Variants in MMP26 observed in about 807,000 individuals in gnomAD.
MMP26 encodes matrix metallopeptidase 26, also known as matrix metalloproteinase-26.
In MMP26, 33 loss-of-function variants were observed where a neutral mutation model predicts 31.0. That is an observed-to-expected ratio of 1.06 (90% CI 0.81 to 1.42). MMP26 has a LOEUF of 1.42. Among genes scored for constraint, MMP26 ranks in the 40% most tolerant of loss-of-function variants. The pLI is 0.00. For synonymous variants in MMP26, 122 were observed against 114.9 expected (o/e 1.06, Z -0.40); for missense variants, 347 against 316.1 (o/e 1.10, Z -0.74).
intron 2 of MMP26, among the ~76,000 whole-genome samples, chr11:4,968,920 AC>A (rs1002211655): frequency 5.3e-4 from 80 of 152,136 alleles, no homozygotes; most frequent in Non-Finnish European, 3.2e-4. Context: ...GAATACAATT[AC>A]CTTTTTCTTT....
intron 2 of MMP26, among the ~76,000 whole-genome samples, chr11:4,866,720 A>G (rs1166286647): frequency 6.6e-6 from 1 of 152,132 alleles, no homozygotes; most frequent in Non-Finnish European, 1.5e-5. Flanking sequence ...AGCATGGTAC[A>G]GGTACAAGAA....
chr11:4,742,958 C>G (rs1034957005), intron 1 of MMP26, among the ~76,000 whole-genome samples: 1 of 152,148 alleles, frequency 6.6e-6, no homozygotes, highest in Non-Finnish European at 1.5e-5. Context: ...AATTTGCACT[C>G]TTTCATCTAT....
intron 2 of MMP26, among the ~76,000 whole-genome samples, chr11:4,779,234 A>T (rs1392655950): frequency 1.3e-5 from 2 of 152,050 alleles, no homozygotes; most frequent in African/African-American, 2.4e-5. Context: ...TGATTTTTGA[A>T]GAGAAATTTT....
At chr11:4,815,749 A>G (rs1564916348) in intron 2 of MMP26, among the ~76,000 whole-genome samples, 2 of 152,208 alleles carry the variant, frequency 1.3e-5, no homozygotes, top group Admixed American at 6.5e-5. Context: ...TATGTAAAAT[A>G]ATCCCAGGAA....
intron 2 of MMP26, among the ~76,000 whole-genome samples, chr11:4,845,211 G>T (rs1055974247): frequency 6.6e-6 from 1 of 151,914 alleles, no homozygotes; most frequent in Non-Finnish European, 1.5e-5. Context: ...ATAAATAAAA[G>T]ATATCTACAA....
At chr11:4,984,394 G>T (rs929907828) in intron 2 of MMP26, among the ~76,000 whole-genome samples, 18 of 152,178 alleles carry the variant, frequency 1.2e-4, no homozygotes, top group Non-Finnish European at 2.2e-4. Flanking sequence ...TTGGCACAGC[G>T]TATGCGCTCA....
At chr11:4,710,111 C>T (rs986151333) in intron 1 of MMP26, 1 of 456,806 alleles carries the variant, frequency 2.2e-6, no homozygotes, top group Non-Finnish European at 4.4e-6. Flanking sequence ...ATTCCTACTG[C>T]TTCCACCCTG....
At chr11:4,753,191 C>A (rs1470341580) in intron 1 of MMP26, among the ~76,000 whole-genome samples, 2 of 152,008 alleles carry the variant, frequency 1.3e-5, no homozygotes, top group Non-Finnish European at 2.9e-5. Context: ...CCTCTTAATG[C>A]CACATCCTCA....
At chr11:4,833,505 A>T (rs1849673696) in intron 2 of MMP26, among the ~76,000 whole-genome samples, 1 of 152,178 alleles carries the variant, frequency 6.6e-6, no homozygotes, top group Non-Finnish European at 1.5e-5. Context: ...CTCTTTATAA[A>T]GTGTCTGAGT....
intron 1 of MMP26, among the ~76,000 whole-genome samples, chr11:4,716,160 G>A (rs1383180324): frequency 6.6e-6 from 1 of 152,188 alleles, no homozygotes; most frequent in East Asian, 1.9e-4. Context: ...AGTGAGGATT[G>A]TAATTAAGAA....
At chr11:4,763,383 G>A (rs1278124361) in intron 1 of MMP26, among the ~76,000 whole-genome samples, 3 of 152,188 alleles carry the variant, frequency 2.0e-5, no homozygotes. Flanking sequence ...GTTGCCAGAA[G>A]TCTGAGGAAG....
rs1473654957 is a variant in MMP26 at position 4,952,910 on chromosome 11, T to C, written c.-144-35158T>C. On this transcript the variant is annotated intron_variant, in intron 2 of 7. Transcript: ENST00000380390. Reference sequence around the variant, plus strand: ...TGGGCTGATTATTTTTTTTAAGCATTTGACATTCCTGGAAGGTGTTTCTTG... The same window carrying C: ...TGGGCTGATTATTTTTTTTAAGCATCTGACATTCCTGGAAGGTGTTTCTTG... Among the ~76,000 whole-genome samples, 2 of 124,494 alleles carry C rather than the reference T, an allele frequency of 1.6e-5. 1 individual carries two copies. The highest frequency in any genetic ancestry group is 3.6e-5 in the Non-Finnish European group (2 of 55,092). The allele number at this position is 124,494 out of a possible 152,430, so 81.7% of individuals were successfully genotyped here. A position where few individuals can be genotyped will look rare whatever the true frequency, so the allele number is the denominator to read the frequency against.
At chr11:4,786,244 T>C (rs953939902) in intron 2 of MMP26, among the ~76,000 whole-genome samples, 5 of 152,082 alleles carry the variant, frequency 3.3e-5, no homozygotes, top group African/African-American at 7.2e-5. Flanking sequence ...TTTTCCTCTT[T>C]CTGGATCTGA....
intron 2 of MMP26, chr11:4,946,184 G>A (rs1280608307): frequency 6.2e-7 from 1 of 1,613,896 alleles, no homozygotes; most frequent in South Asian, 1.1e-5. Flanking sequence ...ACACAATTTT[G>A]CTACAACTCT....
intron 2 of MMP26, among the ~76,000 whole-genome samples, chr11:4,779,159 A>G (rs1438761825): frequency 6.6e-6 from 1 of 151,986 alleles, no homozygotes; most frequent in Admixed American, 6.6e-5. Context: ...AGAAGTGGTG[A>G]TGTTAGGCAT....
chr11:4,943,915 A>G (rs1201373445), intron 2 of MMP26: 1 of 429,824 alleles, frequency 2.3e-6, no homozygotes, highest in Non-Finnish European at 4.6e-6. Flanking sequence ...ACATCTATGT[A>G]CAATATCCTG....
intron 2 of MMP26, among the ~76,000 whole-genome samples, chr11:4,919,684 A>G (rs1160247988): frequency 6.6e-6 from 1 of 152,204 alleles, no homozygotes; most frequent in African/African-American, 2.4e-5. Context: ...CAATTTATGC[A>G]CACTGGAGAA....
At chr11:4,969,117 A>G (rs916387522) in intron 2 of MMP26, among the ~76,000 whole-genome samples, 4 of 152,030 alleles carry the variant, frequency 2.6e-5, no homozygotes, top group African/African-American at 9.6e-5. Flanking sequence ...CAGAAAATAG[A>G]CAAATGTGAA....
chr11:4,800,248 C>T (rs533796443), intron 2 of MMP26, among the ~76,000 whole-genome samples: 5 of 152,350 alleles, frequency 3.3e-5, no homozygotes, highest in Admixed American at 1.3e-4. Flanking sequence ...AGTATATCCC[C>T]TGAAATTTAG....
Sources: allele counts gnomAD v4.1 joint callset (sites outside exome capture counted in the v4.1 genomes callset), GRCh38; gene constraint gnomAD v4.1.1; transcripts MANE v1.5; gene names NCBI Gene and HGNC (gene_info 2026-07-23, HGNC 2026-07-21).